The following ZNF341 variants were observed in gnomAD, a reference collection of about 807,000 sequenced individuals.
The protein encoded by ZNF341 is zinc finger protein 341.
A neutral mutation model predicts 87.7 loss-of-function variants in ZNF341; 52 were observed. The observed-to-expected ratio is 0.59, with a 90% CI of 0.47 to 0.75. The LOEUF is 0.75. Among genes scored for constraint, ZNF341 ranks in the 30% least tolerant of loss-of-function variants. ZNF341 has a pLI of 0.00. For missense variants in ZNF341, 977 were observed against 1,145.9 expected (o/e 0.85, Z 2.13); for synonymous variants, 459 against 472.7 (o/e 0.97, Z 0.38).
intron 12 of ZNF341, 44 bp downstream of exon 12, chr20:33,783,908 C>T (rs1308470660): frequency 1.6e-5 from 24 of 1,514,986 alleles, no homozygotes; most frequent in Non-Finnish European, 1.9e-5. Context: ...CCCCTCCCCT[C>T]CCCCTCCCCC....
At chr20:33,780,674 T>A (rs1254955734) in intron 10 of ZNF341, among the ~76,000 whole-genome samples, 1 of 151,602 alleles carries the variant, frequency 6.6e-6, no homozygotes, top group Non-Finnish European at 1.5e-5. Context: ...CCTCCCGAAG[T>A]ACTGGGATTA....
chr20:33,733,129 C>T (rs1241083645), intron 1 of ZNF341, among the ~76,000 whole-genome samples: 1 of 152,078 alleles, frequency 6.6e-6, no homozygotes, highest in Non-Finnish European at 1.5e-5. Context: ...TCACTGCAAC[C>T]TCCCCCTCCC....
intron 5 of ZNF341, among the ~76,000 whole-genome samples, chr20:33,756,075 T>C (rs924139027): frequency 8.6e-5 from 13 of 151,910 alleles, no homozygotes; most frequent in African/African-American, 3.1e-4. Flanking sequence ...ACACAAAAAT[T>C]ATCTGGGCAT....
chr20:33,752,418 G>T, intron 4 of ZNF341: 1 of 622,008 alleles, frequency 1.6e-6, no homozygotes, highest in South Asian at 1.4e-5. Context: ...AGTGCCTGAG[G>T]AGCACGCTTC....
intron 1 of ZNF341, among the ~76,000 whole-genome samples, chr20:33,737,975 T>C: frequency 6.6e-6 from 1 of 151,106 alleles, no homozygotes; most frequent in Non-Finnish European, 1.5e-5. Context: ...CTGTCATTAC[T>C]AAAAGTACAA....
Position 33,766,930 on chromosome 20 carries a change from G to T in ZNF341, c.1302G>T (p.Glu434Asp), listed in dbSNP as rs371656797. The T allele has an allele frequency of 6.2e-7, 1 of 1,614,204 alleles. No homozygotes were observed. The highest frequency in any genetic ancestry group is 8.5e-7 in the Non-Finnish European group (1 of 1,180,030). Reference sequence around the variant, plus strand: ...GTGAGGAAGAGGGGGACAAGCCGGAGTCCAAGCAGGTGGTCCTCATCGACA... The same window carrying T: ...GTGAGGAAGAGGGGGACAAGCCGGATTCCAAGCAGGTGGTCCTCATCGACA... ...TAGEEEGDKPESKQVVLIDSS... is the reference protein window; with the variant it reads ...TAGEEEGDKPDSKQVVLIDSS... Residue 434 changes from glutamate (E) to aspartate (D), a missense_variant, in exon 9 of 15, where the codon GAG (glutamate) becomes GAT (aspartate). Coordinates refer to ENST00000375200, the MANE Select transcript of ZNF341 (RefSeq NM_001282933.2).
rs1475116745 is a variant in ZNF341, at chr20:33,781,274, C to T, written c.1623-17C>T. Reference sequence around the variant, plus strand: ...TGCTGTGTTTCCTCCCTCATCTCTCCTGCTCCTTCCACTTAGGTGTGTCAA... The same window carrying T: ...TGCTGTGTTTCCTCCCTCATCTCTCTTGCTCCTTCCACTTAGGTGTGTCAA... On this transcript the variant is annotated splice_polypyrimidine_tract_variant and intron_variant, in intron 10 of 14. Transcript: ENST00000375200. 1 of 1,608,526 alleles carries T rather than the reference C, an allele frequency of 6.2e-7. No homozygotes were observed. Among genetic ancestry groups the T allele is most frequent in the East Asian group, 2.2e-5 (1 of 44,860 alleles).
At chr20:33,739,457 G>A (rs944900002) in intron 1 of ZNF341, among the ~76,000 whole-genome samples, 1 of 152,154 alleles carries the variant, frequency 6.6e-6, no homozygotes, top group South Asian at 2.1e-4. Flanking sequence ...CCTGTCATCC[G>A]GCTAGTGACA....
At chr20:33,761,032 TCATCCAGG>T (rs1302855882) in intron 7 of ZNF341, among the ~76,000 whole-genome samples, 6 of 152,198 alleles carry the variant, frequency 3.9e-5, no homozygotes, top group African/African-American at 1.4e-4. Context: ...TCTCACTCTG[TCATCCAGG>T]CTGGAGTGCA....
In ZNF341 at chr20:33,791,225, G is replaced by A; in HGVS notation, c.2273G>A (p.Ser758Asn). The A allele has an allele frequency of 6.2e-7, 1 of 1,612,174 alleles. No individual in the cohort carries two copies. The highest frequency in any genetic ancestry group is 2.2e-5 in the East Asian group (1 of 44,868). The change falls in exon 15 of 15, where the codon AGT becomes AAT. Residue 758 changes from serine (S) to asparagine (N), a missense_variant. Coordinates refer to ENST00000375200, the MANE Select transcript of ZNF341 (RefSeq NM_001282933.2). ...AGGGCAGCCCCCCGCAGTTGCGGCA[G>A]TGGTGGGCGCAAGGTGCTGACCCCC... Reference protein sequence around the residue: ...QRRAAPRSCGSGGRKVLTPLP... With the variant: ...QRRAAPRSCGNGGRKVLTPLP...
intron 2 of ZNF341, among the ~76,000 whole-genome samples, chr20:33,741,953 A>T (rs1352862878): frequency 6.6e-6 from 1 of 152,054 alleles, no homozygotes; most frequent in Non-Finnish European, 1.5e-5. Flanking sequence ...AGTACTTGGG[A>T]TTTGGTTCTA....
intron 14 of ZNF341, among the ~76,000 whole-genome samples, chr20:33,790,388 T>G (rs1322606657): frequency 6.6e-6 from 1 of 152,232 alleles, no homozygotes; most frequent in Non-Finnish European, 1.5e-5. Context: ...ATCCTGTAGA[T>G]AATTTTGTCC....
At chr20:33,746,248 T>TC (rs1341173063) in intron 3 of ZNF341, among the ~76,000 whole-genome samples, 9 of 133,102 alleles carry the variant, frequency 6.8e-5, no homozygotes, top group Non-Finnish European at 1.2e-4. Context: ...TTTTTTTTTT[T>TC]TTGAGACGGA....
Position 33,788,937 on chromosome 20 carries a change from A to G in ZNF341, c.1927A>G (p.Ile643Val), listed in dbSNP as rs1189962829. 1.9e-6 allele frequency: 3 copies of G among 1,613,908 alleles called. No homozygotes were observed. The highest frequency in any genetic ancestry group is 1.7e-6 in the Non-Finnish European group (2 of 1,180,010). ...RKDKLKRHML[I>V]HEPFKKYKCP... The stretch of plus-strand genomic sequence containing the variant: ...GGACAAACTGAAGAGACACATGTTG[A>G]TCCACGAGCCCTTCAAGAAATACAA... The change falls in exon 13 of 15, where the codon ATC becomes GTC. Residue 643 changes from isoleucine (I) to valine (V), a missense_variant. Ile to Val is a conservative substitution (Grantham distance 29, BLOSUM62 3). Coordinates refer to ENST00000375200, the MANE Select transcript of ZNF341 (RefSeq NM_001282933.2).
chr20:33,741,836 T>C (rs1601234019), intron 2 of ZNF341, among the ~76,000 whole-genome samples: 4 of 152,352 alleles, frequency 2.6e-5, no homozygotes, highest in South Asian at 2.1e-4. Flanking sequence ...ATTGTTCTTA[T>C]AGTTCTTAGC....
chr20:33,750,336 C>A (rs1235746128), intron 4 of ZNF341, among the ~76,000 whole-genome samples: 7 of 152,210 alleles, frequency 4.6e-5, no homozygotes, highest in Admixed American at 1.3e-4. Flanking sequence ...TGCTGTGTCC[C>A]TGGATTCTTC....
intron 10 of ZNF341, among the ~76,000 whole-genome samples, chr20:33,770,588 G>GC (rs2019510389): frequency 6.6e-6 from 1 of 152,156 alleles, no homozygotes. Context: ...AAAGGTTTGA[G>GC]CATTTTATTC....
At chr20:33,762,944 G>A (rs2019327678) in intron 8 of ZNF341, among the ~76,000 whole-genome samples, 2 of 152,124 alleles carry the variant, frequency 1.3e-5, no homozygotes, top group Admixed American at 1.3e-4. Context: ...ATAGTAAAAT[G>A]TGAACTGATA....
chr20:33,737,211 T>G (rs2018708169), intron 1 of ZNF341, among the ~76,000 whole-genome samples: 1 of 152,210 alleles, frequency 6.6e-6, no homozygotes, highest in African/African-American at 2.4e-5. Context: ...AGAGAAAAAG[T>G]TACATTCACA....
Sources: gnomAD v4.1 joint callset for allele counts (sites outside exome capture counted in the v4.1 genomes callset) on GRCh38, gnomAD v4.1.1 for gene constraint, MANE v1.5 for transcripts, NCBI Gene and HGNC (gene_info 2026-07-23, HGNC 2026-07-21) for gene names.